Variants in WDR82 observed in about 807,000 individuals in gnomAD.
WDR82 encodes the protein WD repeat domain 82, also known as WD repeat-containing protein 82.
In WDR82, 8 loss-of-function variants were observed where a neutral mutation model predicts 36.1. The observed-to-expected ratio is 0.22, with a 90% CI of 0.13 to 0.40. The LOEUF (loss-of-function observed/expected upper bound fraction) is 0.40, where lower values mean the gene tolerates loss of function less well. WDR82 is among the 10% of genes least tolerant of loss of function. The pLI is 1.00. For missense variants in WDR82, 185 were observed against 400.5 expected, an observed-to-expected ratio of 0.46 and a Z score of 4.59; for synonymous variants, 129 against 137.8, an observed-to-expected ratio of 0.94 and a Z score of 0.45.
At chr3:52,277,645 C>G (rs1425361140) in intron 1 of WDR82, among the ~76,000 whole-genome samples, 1 of 152,170 alleles carries the variant, frequency 6.6e-6, no homozygotes, top group African/African-American at 2.4e-5. Flanking sequence ...CAAAGGGGCA[C>G]AACAAATAAA....
At chr3:52,262,729 T>G (rs2107333313) in intron 3 of WDR82, among the ~76,000 whole-genome samples, 1 of 152,370 alleles carries the variant, frequency 6.6e-6, no homozygotes, top group South Asian at 2.1e-4. Context: ...AAAAACATTT[T>G]CTTCCAATGT....
chr3:52,262,964 A>G (rs1700074052), intron 3 of WDR82, among the ~76,000 whole-genome samples: 1 of 152,074 alleles, frequency 6.6e-6, no homozygotes, highest in African/African-American at 2.4e-5. Flanking sequence ...CCCACCACTA[A>G]TAAAAATACA....
rs748823616 is a variant in WDR82, at chr3:52,278,382, G to A, written c.-21C>T. On this transcript the variant is annotated 5_prime_UTR_variant, in exon 1 of 9. Coordinates refer to ENST00000296490, the MANE Select transcript of WDR82 (RefSeq NM_025222.4). Reference sequence around the variant, plus strand: ...TTCATGGCGGCGGCTGGGGAAGGCAGCGGCGGCGCAGGGCCGGGGCGGGGC... The same window carrying A: ...TTCATGGCGGCGGCTGGGGAAGGCAACGGCGGCGCAGGGCCGGGGCGGGGC... The A allele has an allele frequency of 4.0e-6, 6 of 1,504,002 alleles. No individual in the cohort carries two copies. Among genetic ancestry groups the A allele is most frequent in the Non-Finnish European group, 5.3e-6 (6 of 1,125,086 alleles). 93.2% of individuals were successfully genotyped at this position (1,504,002 alleles called of 1,614,324 possible).
At chr3:52,259,611 T>C (rs1700042837) in intron 6 of WDR82, 106 bp downstream of exon 6, 1 of 1,357,806 alleles carries the variant, frequency 7.4e-7, no homozygotes, top group Non-Finnish European at 1.0e-6. Context: ...CATGCCTTCA[T>C]GAGTAAGTCA....
Position 52,258,684 on chromosome 3 carries a change from G to A in WDR82, c.770-6C>T, listed in dbSNP as rs755399428. On this transcript the variant is annotated splice_region_variant and splice_polypyrimidine_tract_variant and intron_variant, in intron 7 of 8. Coordinates refer to ENST00000296490, the MANE Select transcript of WDR82 (RefSeq NM_025222.4). ...GATCTTGCCATCCTCTGAACCTAAAGAGGATATTCACGGAAAATGTAACAG... is the reference window on the plus strand; with the variant it reads ...GATCTTGCCATCCTCTGAACCTAAAAAGGATATTCACGGAAAATGTAACAG... 1.2e-6 allele frequency: 2 copies of A among 1,614,084 alleles called. No homozygotes were observed. The highest frequency in any genetic ancestry group is 4.5e-5 in the East Asian group (2 of 44,900).
intron 1 of WDR82, among the ~76,000 whole-genome samples, chr3:52,275,453 C>T (rs1700194635): frequency 6.6e-6 from 1 of 152,208 alleles, no homozygotes; most frequent in Admixed American, 6.5e-5. Context: ...GCCACTCCTT[C>T]ACCACAGATA....
intron 7 of WDR82, 102 bp downstream of exon 7, chr3:52,259,095 G>T (rs777173014): frequency 9.0e-5 from 116 of 1,292,566 alleles, no homozygotes; most frequent in Non-Finnish European, 1.2e-4. Flanking sequence ...AGAAATCTAA[G>T]AACATCTATC....
At chr3:52,266,398 T>A (rs558168424) in intron 3 of WDR82, among the ~76,000 whole-genome samples, 2 of 152,116 alleles carry the variant, frequency 1.3e-5, no homozygotes, top group South Asian at 4.1e-4. Context: ...AATATATATA[T>A]CTAACTAGAA....
intron 3 of WDR82, among the ~76,000 whole-genome samples, chr3:52,263,992 T>C (rs1282799619): frequency 6.6e-6 from 1 of 152,056 alleles, no homozygotes; most frequent in East Asian, 1.9e-4. Context: ...GGTGAAACCC[T>C]GTCTCTATAA....
chr3:52,278,334 T>C lies in WDR82; in HGVS notation c.28A>G (p.Ser10Gly), dbSNP rs1260049318. MKLTDSVLR[S>G]FRVAKVFREN... ...CGGAACACCTTAGCGACGCGGAAGC[T>C]CCGCAACACGCTGTCGGTCAGCTTC... The change falls in exon 1 of 9, where the codon AGC becomes GGC. Residue 10 changes from serine (S) to glycine (G), a missense_variant. Ser to Gly is a moderately conservative substitution (Grantham distance 56, BLOSUM62 0). Coordinates refer to ENST00000296490, the MANE Select transcript of WDR82 (RefSeq NM_025222.4). 2.5e-6 allele frequency: 4 copies of C among 1,591,734 alleles called. No individual in the cohort carries two copies. Among genetic ancestry groups the C allele is most frequent in the Admixed American group, 1.8e-5 (1 of 56,498 alleles).
At chr3:52,274,307 C>A (rs542902334) in intron 1 of WDR82, among the ~76,000 whole-genome samples, 4 of 152,346 alleles carry the variant, frequency 2.6e-5, no homozygotes, top group African/African-American at 9.6e-5. Flanking sequence ...GTAGCTAACA[C>A]CTGTAATCCC....
chr3:52,265,249 A>G (rs1700094918), intron 3 of WDR82, among the ~76,000 whole-genome samples: 1 of 137,870 alleles, frequency 7.3e-6, no homozygotes, highest in Non-Finnish European at 1.5e-5. Flanking sequence ...GCAGTGAGCC[A>G]ACATTGCACC....
At chr3:52,276,536 G>C (rs989499643) in intron 1 of WDR82, among the ~76,000 whole-genome samples, 9 of 152,084 alleles carry the variant, frequency 5.9e-5, no homozygotes, top group African/African-American at 1.9e-4. Context: ...GCAAAGAAAT[G>C]CTATAACAAC....
intron 3 of WDR82, among the ~76,000 whole-genome samples, chr3:52,263,531 G>T (rs572026652): frequency 6.6e-6 from 1 of 152,354 alleles, no homozygotes; most frequent in African/African-American, 2.4e-5. Flanking sequence ...AAACAGGATG[G>T]TAAGAGATGG....
chr3:52,267,013 T>C lies in WDR82; in HGVS notation c.265A>G (p.Ile89Val), dbSNP rs374935608. The C allele has an allele frequency of 8.7e-6, 14 of 1,608,742 alleles. No individual in the cohort carries two copies. The highest frequency in any genetic ancestry group is 2.2e-5 in the East Asian group (1 of 44,688). Reference protein sequence around the residue: ...VYSSNKIDDTIRYLSLHDNKY... With the variant: ...VYSSNKIDDTVRYLSLHDNKY... Reference sequence around the variant, plus strand: ...TTGTCATGCAAGGACAAGTAACGAATAGTATCTGTAAAAAGACAAACAAGG... The same window carrying C: ...TTGTCATGCAAGGACAAGTAACGAACAGTATCTGTAAAAAGACAAACAAGG... The change falls in exon 3 of 9, where the codon ATT (isoleucine) becomes GTT (valine). Residue 89 changes from isoleucine to valine, a missense_variant. Coordinates refer to ENST00000296490, the MANE Select transcript of WDR82 (RefSeq NM_025222.4).
chr3:52,258,922 A>T (rs895150066), intron 7 of WDR82, among the ~76,000 whole-genome samples: 3 of 152,190 alleles, frequency 2.0e-5, no homozygotes, highest in African/African-American at 7.2e-5. Context: ...AAAGGGGCCG[A>T]ATACCATTAC....
intron 1 of WDR82, among the ~76,000 whole-genome samples, chr3:52,271,388 G>C (rs571962754): frequency 6.6e-6 from 1 of 152,204 alleles, no homozygotes; most frequent in African/African-American, 2.4e-5. Context: ...CGTCAGGTTT[G>C]TGTAAGTACA....
chr3:52,259,232 G>A lies in WDR82; in HGVS notation c.734C>T (p.Ala245Val). ...YANSKAVTLE[A>V]SFTPDSQFIM... The stretch of plus-strand genomic sequence containing the variant: ...AAACTGAGAGTCTGGAGTAAATGAA[G>A]CCTCCAGTGTGACAGCTTTGCTGTT... The change falls in exon 7 of 9, where the codon GCT becomes GTT. Residue 245 changes from alanine (A) to valine (V), a missense_variant. Physicochemically the swap from Ala to Val is moderately conservative, Grantham distance 64. Coordinates refer to ENST00000296490, the MANE Select transcript of WDR82 (RefSeq NM_025222.4). The A allele has an allele frequency of 6.2e-7, 1 of 1,614,188 alleles. No homozygotes were observed. The highest frequency in any genetic ancestry group is 8.5e-7 in the Non-Finnish European group (1 of 1,180,026).
chr3:52,259,646 C>G, intron 6 of WDR82, 71 bp downstream of exon 6: 3 of 1,526,160 alleles, frequency 2.0e-6, no homozygotes, highest in Non-Finnish European at 8.8e-7. Context: ...TCTCCACCAA[C>G]CAGCTAACAT....
Sources: gnomAD v4.1 joint callset for allele counts (sites outside exome capture counted in the v4.1 genomes callset) on GRCh38, gnomAD v4.1.1 for gene constraint, MANE v1.5 for transcripts, NCBI Gene and HGNC (gene_info 2026-07-23, HGNC 2026-07-21) for gene names.